The following COG4 variants were observed in gnomAD, a reference collection of about 807,000 sequenced individuals.
COG4 encodes component of oligomeric golgi complex 4.
In COG4, 65 loss-of-function variants were observed where a neutral mutation model predicts 95.1. The ratio of observed to expected loss-of-function variants is 0.68; its 90% CI spans 0.56 to 0.84. The LOEUF (loss-of-function observed/expected upper bound fraction) is 0.84. COG4 is among the 40% of genes least tolerant of loss of function. COG4 has a pLI of 0.00. For synonymous variants in COG4, 421 were observed against 374.8 expected (o/e 1.12, Z -1.42); for missense variants, 1,045 against 989.1 (o/e 1.06, Z -0.76).
In COG4 at chr16:70,496,303, C is replaced by G. The variant is rs1185479567; in HGVS notation, c.1610G>C (p.Gly537Ala). Residue 537 changes from glycine (G) to alanine (A), a missense_variant, in exon 12 of 19, where the codon GGC becomes GCC. Gly to Ala is a moderately conservative substitution (Grantham distance 60, BLOSUM62 0). Coordinates refer to ENST00000323786, the MANE Select transcript of COG4 (RefSeq NM_015386.3). ...CTTCGCCTCGTCAGTACTCTCGATG[C>G]CTTTTGTGTCAAATTTGCCTTGCTG... is the stretch of plus-strand genomic sequence containing the variant. Reference protein sequence around the residue: ...SLQQGKFDTKGIESTDEAKMS... With the variant: ...SLQQGKFDTKAIESTDEAKMS... 1 of 1,614,172 alleles carries G rather than the reference C, an allele frequency of 6.2e-7. No individual in the cohort carries two copies. Among genetic ancestry groups the G allele is most frequent in the South Asian group, 1.1e-5 (1 of 91,084 alleles).
At chr16:70,490,830 T>G (rs2049228879) in intron 12 of COG4, among the ~76,000 whole-genome samples, 1 of 152,060 alleles carries the variant, frequency 6.6e-6, no homozygotes, top group African/African-American at 2.4e-5. Context: ...AGGCTAATTT[T>G]TTGTATTTTT....
chr16:70,500,678 CA>C (rs1567382199), intron 9 of COG4, among the ~76,000 whole-genome samples: 1 of 151,404 alleles, frequency 6.6e-6, no homozygotes, highest in Non-Finnish European at 1.5e-5. Context: ...TCTTTAAAAA[CA>C]AAAAAAGAAC....
At chr16:70,510,675 GA>G (rs1023568366) in intron 5 of COG4, among the ~76,000 whole-genome samples, 31 of 152,078 alleles carry the variant, frequency 2.0e-4, no homozygotes, top group African/African-American at 6.3e-4. Flanking sequence ...GGGTACTGCA[GA>G]AGGGACTTTT....
chr16:70,504,340 T>C (rs2049514860), intron 8 of COG4, among the ~76,000 whole-genome samples: 1 of 152,056 alleles, frequency 6.6e-6, no homozygotes, highest in Non-Finnish European at 1.5e-5. Context: ...GGTGCAGTCG[T>C]TCACGACTGT....
intron 12 of COG4, among the ~76,000 whole-genome samples, chr16:70,492,885 C>T (rs2049272913): frequency 6.6e-6 from 1 of 151,936 alleles, no homozygotes; most frequent in Non-Finnish European, 1.5e-5. Flanking sequence ...ATCGCTTGAA[C>T]CTATGAGGCG....
chr16:70,517,087 T>C (rs8050782), intron 3 of COG4, among the ~76,000 whole-genome samples: 25,736 of 151,900 alleles, frequency 0.17, 7,234 homozygotes, highest in African/African-American at 0.58. Context: ...TTTGTAGAGA[T>C]GGGGTTTTCC....
chr16:70,491,113 A>G (rs1228618059), intron 12 of COG4, among the ~76,000 whole-genome samples: 2 of 152,106 alleles, frequency 1.3e-5, no homozygotes, highest in Non-Finnish European at 2.9e-5. Flanking sequence ...AGAGCCTGCC[A>G]CCTATGAGGT....
chr16:70,498,832 G>T (rs756998157), intron 9 of COG4, among the ~76,000 whole-genome samples: 1 of 152,206 alleles, frequency 6.6e-6, no homozygotes, highest in Non-Finnish European at 1.5e-5. Context: ...GTCAAAAGAT[G>T]TAAGTTTCCA....
chr16:70,500,930 T>TC, intron 9 of COG4, 28 bp downstream of exon 9: 1 of 1,613,608 alleles, frequency 6.2e-7, no homozygotes, highest in Non-Finnish European at 8.5e-7. Context: ...ACCTCAACCC[T>TC]CCCCAAAAAT....
At chr16:70,515,839 T>A (rs1434054337) in intron 3 of COG4, 6 of 332,016 alleles carry the variant, frequency 1.8e-5, no homozygotes, top group East Asian at 1.6e-4. Context: ...GTTGTTTTTT[T>A]AAAAAATTTT....
At chr16:70,509,839 G>T in intron 6 of COG4, 77 bp downstream of exon 6, 4 of 1,051,260 alleles carry the variant, frequency 3.8e-6, no homozygotes, top group Non-Finnish European at 5.9e-6. Flanking sequence ...CATCAGGCTA[G>T]AAGGGTGAGA....
At chr16:70,500,344 G>GATTCCTGTAC (rs1437636646) in intron 9 of COG4, among the ~76,000 whole-genome samples, 2 of 148,670 alleles carry the variant, frequency 1.3e-5, no homozygotes, top group East Asian at 3.9e-4. Flanking sequence ...GGGATGAGAG[G>GATTCCTGTAC]ATTCCTGTAC....
At position 70,523,498 on chromosome 16, in the gene COG4, CT is replaced by C; in HGVS notation, c.45del (p.Val17CysfsTer24). 1 of 1,614,144 alleles carries C rather than the reference CT, an allele frequency of 6.2e-7. No individual in the cohort carries two copies. Among genetic ancestry groups the C allele is most frequent in the East Asian group, 2.2e-5 (1 of 44,880 alleles). On this transcript the variant is annotated frameshift_variant, in exon 1 of 19. Transcript: ENST00000323786. LOFTEE classifies it high-confidence loss of function. ...MADLDSPPKL[S>X]GVQQPSEGVG... is the part of the protein sequence containing the mutation. ...ACCCCCTCAGACGGCTGCTGCACCC[CT>C]GACAGCTTCGGAGGCGAATCAAGGT...
chr16:70,500,362 ACT>A (rs2049422495), intron 9 of COG4, among the ~76,000 whole-genome samples: 1 of 109,810 alleles, frequency 9.1e-6, no homozygotes, highest in Non-Finnish European at 1.6e-5. Context: ...TACATTATAT[ACT>A]CTTTTTTTTT....
chr16:70,482,141 C>T lies in COG4; in HGVS notation c.1955G>A (p.Trp652Ter). 1 of 1,614,048 alleles carries T rather than the reference C, an allele frequency of 6.2e-7. No individual in the cohort carries two copies. Among genetic ancestry groups the T allele is most frequent in the Non-Finnish European group, 8.5e-7 (1 of 1,179,958 alleles). Residue 652 changes from tryptophan (W) to a stop codon, truncating the protein, a stop_gained, in exon 16 of 19, where the codon TGG becomes TAG. Coordinates refer to ENST00000323786, the MANE Select transcript of COG4 (RefSeq NM_015386.3). LOFTEE classifies it high-confidence loss of function. ...EFNDYEANDP[W>*]VQQFILNLEQ... ...CAGGTTAAGGATGAACTGTTGTACCCAAGGGTCGTTGGCCTCATAGTCATT... is the reference window on the plus strand; with the variant it reads ...CAGGTTAAGGATGAACTGTTGTACCTAAGGGTCGTTGGCCTCATAGTCATT...
In COG4 at chr16:70,523,515, G is replaced by A. The variant is rs765042815; in HGVS notation, c.29C>T (p.Ser10Leu). 6.2e-6 allele frequency: 10 copies of A among 1,613,864 alleles called. No individual in the cohort carries two copies. The Admixed American group carries it at 1.2e-4, about 19-fold the overall frequency. The change falls in exon 1 of 19, where the codon TCG becomes TTG. Residue 10 changes from serine (S) to leucine (L), a missense_variant. Ser to Leu is a moderately radical substitution (Grantham distance 145, BLOSUM62 -2). Transcript: ENST00000323786. ...CTGCACCCCTGACAGCTTCGGAGGC[G>A]AATCAAGGTCCGCCATCTTGGTCCC... is the stretch of plus-strand genomic sequence containing the variant. MGTKMADLD[S>L]PPKLSGVQQP...
At chr16:70,487,148 G>C (rs961818592) in intron 13 of COG4, among the ~76,000 whole-genome samples, 7 of 151,316 alleles carry the variant, frequency 4.6e-5, no homozygotes, top group African/African-American at 1.5e-4. Flanking sequence ...AAAATCAGCT[G>C]GGCATGGTGT....
intron 4 of COG4, among the ~76,000 whole-genome samples, chr16:70,513,435 G>A (rs954981058): frequency 6.6e-6 from 1 of 152,100 alleles, no homozygotes; most frequent in Admixed American, 6.6e-5. Flanking sequence ...TTATCTGTAG[G>A]GGATCCATTC....
chr16:70,484,846 C>G (rs1241496657), intron 13 of COG4, among the ~76,000 whole-genome samples: 2 of 152,120 alleles, frequency 1.3e-5, no homozygotes, highest in Admixed American at 1.3e-4. Flanking sequence ...TTGCAGAGAG[C>G]TATGACTGCC....
Sources: allele counts gnomAD v4.1 joint callset (sites outside exome capture counted in the v4.1 genomes callset), GRCh38; gene constraint gnomAD v4.1.1; transcripts MANE v1.5; gene names NCBI Gene and HGNC (gene_info 2026-07-23, HGNC 2026-07-21).